The following LRRIQ1 variants were observed in gnomAD, a reference collection of about 807,000 sequenced individuals.
The protein encoded by LRRIQ1 is leucine-rich repeat- and IQ domain-containing protein 1.
A neutral mutation model predicts 211.9 loss-of-function variants in LRRIQ1; 210 were observed. That is an observed-to-expected ratio of 0.99 (90% CI 0.89 to 1.11). LRRIQ1 has a LOEUF of 1.11. LRRIQ1 is among the 50% of genes most tolerant of loss of function. LRRIQ1 has a pLI of 0.00. For missense variants in LRRIQ1, 2,136 were observed against 1,939.5 expected (o/e 1.10, Z -1.90); for synonymous variants, 699 against 650.1 (o/e 1.08, Z -1.14).
In LRRIQ1 at chr12:85,179,528, C is replaced by A. The variant is rs188912281; in HGVS notation, c.4822+18814C>A. ...GTGATGGTAGAAAGTGGACTAGGAA[C>A]AATAAGTGAAGGGCATTGTATATGA... On this transcript the variant is annotated intron_variant, in intron 24 of 26. Coordinates refer to ENST00000393217, the MANE Select transcript of LRRIQ1 (RefSeq NM_001079910.2). Among the ~76,000 whole-genome samples the A allele has an allele frequency of 6.6e-5, 10 of 152,038 alleles. No homozygotes were observed. The East Asian group carries it at 7.7e-4, about 12-fold the overall frequency.
At chr12:85,095,490 T>A (rs1454846379) in intron 11 of LRRIQ1, among the ~76,000 whole-genome samples, 1 of 152,206 alleles carries the variant, frequency 6.6e-6, no homozygotes, top group Non-Finnish European at 1.5e-5. Flanking sequence ...AGTTACCTTT[T>A]TTTATGTGCT....
chr12:85,203,230 T>C (rs1204457744), intron 24 of LRRIQ1, among the ~76,000 whole-genome samples: 1 of 152,178 alleles, frequency 6.6e-6, no homozygotes. Flanking sequence ...CAGGACTTGC[T>C]CCTCCTTGCC....
chr12:85,211,859 A>T (rs148365482), intron 24 of LRRIQ1, among the ~76,000 whole-genome samples: 271 of 152,334 alleles, frequency 1.8e-3, no homozygotes, highest in Admixed American at 3.9e-3. Flanking sequence ...ATCACACTGG[A>T]AACCAACTCT....
intron 19 of LRRIQ1, among the ~76,000 whole-genome samples, chr12:85,149,290 C>T (rs1174263956): frequency 6.6e-6 from 1 of 151,942 alleles, no homozygotes; most frequent in African/African-American, 2.4e-5. Context: ...CGAGGTTTCA[C>T]ATTTACGTCT....
rs1257785028 is a variant in LRRIQ1, at chr12:85,244,891, C to G, written c.5119C>G (p.His1707Asp). The change falls in exon 27 of 27, where the codon CAC becomes GAC. Residue 1707 changes from histidine to aspartate, a missense_variant. Transcript: ENST00000393217. ...NREKKNQAHR[H>D]SAGSSSKLWF... ...AGAAAAAAAAAATCAGGCACACAGA[C>G]ACTCAGCAGGATCTTCAAGTAAGTT... The G allele has an allele frequency of 1.9e-6, 3 of 1,611,280 alleles. No individual in the cohort carries two copies. The highest frequency in any genetic ancestry group is 2.5e-6 in the Non-Finnish European group (3 of 1,178,228).
At chr12:85,090,859 G>T (rs1352349673) in intron 11 of LRRIQ1, among the ~76,000 whole-genome samples, 2 of 152,124 alleles carry the variant, frequency 1.3e-5, no homozygotes, top group Admixed American at 6.6e-5. Flanking sequence ...TGATATTTGG[G>T]AGGGGGCAGG....
intron 24 of LRRIQ1, among the ~76,000 whole-genome samples, chr12:85,213,625 C>G (rs915756631): frequency 2.0e-5 from 3 of 151,882 alleles, no homozygotes; most frequent in Non-Finnish European, 4.4e-5. Flanking sequence ...GGATTAAAAT[C>G]TTATGCAGGG....
intron 3 of LRRIQ1, among the ~76,000 whole-genome samples, chr12:85,043,344 T>C (rs1879124501): frequency 6.6e-6 from 1 of 152,068 alleles, no homozygotes; most frequent in Admixed American, 6.6e-5. Context: ...AATGTCTGGC[T>C]ATTGATGCAA....
At chr12:85,133,239 T>G (rs1050545231) in intron 18 of LRRIQ1, among the ~76,000 whole-genome samples, 1 of 152,134 alleles carries the variant, frequency 6.6e-6, no homozygotes, top group Non-Finnish European at 1.5e-5. Flanking sequence ...TTTTGACCTT[T>G]CTTGAAAATA....
chr12:85,238,419 C>A (rs1451811590), intron 26 of LRRIQ1, among the ~76,000 whole-genome samples: 1 of 151,938 alleles, frequency 6.6e-6, no homozygotes, highest in Non-Finnish European at 1.5e-5. Flanking sequence ...ACAAAAATTA[C>A]ACCTATGCAC....
chr12:85,162,441 C>G (rs1200664465), intron 24 of LRRIQ1, among the ~76,000 whole-genome samples: 3 of 151,994 alleles, frequency 2.0e-5, no homozygotes, highest in African/African-American at 7.2e-5. Flanking sequence ...AATGTTGTTG[C>G]ATTAGAAAAG....
chr12:85,240,327 C>T (rs1016436830), intron 26 of LRRIQ1, among the ~76,000 whole-genome samples: 9 of 152,028 alleles, frequency 5.9e-5, no homozygotes, highest in Non-Finnish European at 1.3e-4. Flanking sequence ...GACAAGTATG[C>T]AGAGCAACTG....
chr12:85,051,710 GTA>G (rs1880343372), intron 6 of LRRIQ1, among the ~76,000 whole-genome samples: 1 of 152,134 alleles, frequency 6.6e-6, no homozygotes, highest in African/African-American at 2.4e-5. Context: ...GAAGGGGGTT[GTA>G]TTTTACTGAT....
chr12:85,140,651 C>T lies in LRRIQ1; in HGVS notation c.4329+2682C>T, dbSNP rs570724848. The stretch of plus-strand genomic sequence containing the variant: ...GTTAAATAGTGATGATATTAGCAAG[C>T]GTCTTTTTCTAGTTCTTTGTCTCAG... On this transcript the variant is annotated intron_variant, in intron 19 of 26. Coordinates refer to ENST00000393217, the MANE Select transcript of LRRIQ1 (RefSeq NM_001079910.2). 7.9e-5 allele frequency among the ~76,000 whole-genome samples: 12 copies of T among 151,170 alleles called. No individual in the cohort carries two copies. The South Asian group carries it at 2.1e-3, about 26-fold the overall frequency.
At chr12:85,194,673 G>A (rs572634877) in intron 24 of LRRIQ1, among the ~76,000 whole-genome samples, 2 of 152,224 alleles carry the variant, frequency 1.3e-5, no homozygotes, top group Admixed American at 6.5e-5. Flanking sequence ...ATTCAAAGCA[G>A]TGTGTAGAGG....
At chr12:85,215,505 C>T (rs1163819166) in intron 24 of LRRIQ1, among the ~76,000 whole-genome samples, 2 of 152,076 alleles carry the variant, frequency 1.3e-5, no homozygotes, top group African/African-American at 4.8e-5. Context: ...CTCTACCCAC[C>T]CTCCAACCTC....
At chr12:85,242,408 A>C (rs1895506715) in intron 26 of LRRIQ1, among the ~76,000 whole-genome samples, 1 of 151,956 alleles carries the variant, frequency 6.6e-6, no homozygotes, top group Admixed American at 6.6e-5. Context: ...TTATTTAGGT[A>C]TTAGAAGTAA....
At chr12:85,191,674 G>A (rs1178015993) in intron 24 of LRRIQ1, among the ~76,000 whole-genome samples, 1 of 151,982 alleles carries the variant, frequency 6.6e-6, no homozygotes, top group Non-Finnish European at 1.5e-5. Flanking sequence ...AACTTATTTA[G>A]GTAAGAGTGA....
chr12:85,271,933 ATATT>A, the LRRIQ1 span, among the ~76,000 whole-genome samples: 1 of 152,276 alleles, frequency 6.6e-6, no homozygotes, highest in Non-Finnish European at 1.5e-5. Context: ...CAAAATATAT[ATATT>A]TAAGTTTTTG....
Sources: gnomAD v4.1 joint callset for allele counts (sites outside exome capture counted in the v4.1 genomes callset) on GRCh38, gnomAD v4.1.1 for gene constraint, MANE v1.5 for transcripts, NCBI Gene and HGNC (gene_info 2026-07-23, HGNC 2026-07-21) for gene names.